SFRP1: variants seen among roughly 807,000 people sequenced by gnomAD.
SFRP1 encodes secreted frizzled-related protein 1.
Under a neutral mutation model 25.9 loss-of-function variants are expected in SFRP1, and 9 were observed. The ratio of observed to expected loss-of-function variants is 0.35; its 90% CI spans 0.21 to 0.61. SFRP1 has a LOEUF of 0.61. Ranked by LOEUF, SFRP1 falls within the 20% of genes least tolerant of loss-of-function variation. SFRP1 has a pLI of 0.78. For missense variants in SFRP1, 346 were observed against 418.2 expected (o/e 0.83, Z 1.51); for synonymous variants, 178 against 174.0 (o/e 1.02, Z -0.18).
intron 2 of SFRP1, among the ~76,000 whole-genome samples, chr8:41,297,075 C>T (rs988889335): frequency 3.9e-5 from 6 of 152,142 alleles, no homozygotes; most frequent in Non-Finnish European, 5.9e-5. Context: ...GACAGAGTTT[C>T]GCTCTATCAC....
intron 2 of SFRP1, among the ~76,000 whole-genome samples, chr8:41,292,393 G>C (rs1803789820): frequency 6.6e-6 from 1 of 152,128 alleles, no homozygotes; most frequent in South Asian, 2.1e-4. Context: ...GTTCTCACAA[G>C]AGCTGATGGT....
intron 2 of SFRP1, among the ~76,000 whole-genome samples, chr8:41,270,174 C>A (rs1803486428): frequency 6.6e-6 from 1 of 152,148 alleles, no homozygotes; most frequent in Non-Finnish European, 1.5e-5. Context: ...AAGAGAGAAG[C>A]CATATCACCA....
chr8:41,308,946 C>T lies in SFRP1; in HGVS notation c.214G>A (p.Gly72Ser). The change falls in exon 1 of 3, where the codon GGC becomes AGC. Residue 72 changes from glycine (G) to serine (S), a missense_variant. Physicochemically the swap from Gly to Ser is moderately conservative, Grantham distance 56. Coordinates refer to ENST00000220772, the MANE Select transcript of SFRP1 (RefSeq NM_003012.5). ...PADLRLCHNV[G>S]YKKMVLPNLL... ...TTGGGCAGCACCATCTTCTTGTAGC[C>T]CACGTTGTGGCACAGCCGCAGGTCC... The T allele has an allele frequency of 6.2e-7, 1 of 1,613,510 alleles. No homozygotes were observed. Among genetic ancestry groups the T allele is most frequent in the Non-Finnish European group, 8.5e-7 (1 of 1,179,944 alleles).
At position 41,308,920 on chromosome 8, in the gene SFRP1, G is replaced by A. The variant is rs1804033399; in HGVS notation, c.240C>T (p.Asn80=). 3 of 1,613,168 alleles carry A rather than the reference G, an allele frequency of 1.9e-6. No individual in the cohort carries two copies. Among genetic ancestry groups the A allele is most frequent in the East Asian group, 2.2e-5 (1 of 44,846 alleles). The part of the protein sequence containing the change: ...NVGYKKMVLP[N]LLEHETMAEV... ...CCGCCATGGTCTCGTGCTCCAGCAG[G>A]TTGGGCAGCACCATCTTCTTGTAGC... Residue 80 remains asparagine (N), a synonymous_variant, in exon 1 of 3, where the codon AAC becomes AAT. Coordinates refer to ENST00000220772, the MANE Select transcript of SFRP1 (RefSeq NM_003012.5).
intron 2 of SFRP1, among the ~76,000 whole-genome samples, chr8:41,268,943 C>G (rs1023296841): frequency 6.6e-5 from 10 of 152,236 alleles, no homozygotes; most frequent in African/African-American, 2.4e-4. Flanking sequence ...AAGGTAGCAG[C>G]TGGGGCAACA....
chr8:41,270,203 G>A (rs1044378519), intron 2 of SFRP1, among the ~76,000 whole-genome samples: 4 of 152,182 alleles, frequency 2.6e-5, no homozygotes, highest in African/African-American at 2.4e-5. Flanking sequence ...GACTGAGTGC[G>A]AAGGAGCACT....
At chr8:41,294,020 G>A (rs1264793991) in intron 2 of SFRP1, among the ~76,000 whole-genome samples, 1 of 151,638 alleles carries the variant, frequency 6.6e-6, no homozygotes, top group Non-Finnish European at 1.5e-5. Flanking sequence ...TTACAGGCAT[G>A]AGCCACCATA....
chr8:41,290,869 C>T, intron 2 of SFRP1, among the ~76,000 whole-genome samples: 1 of 122,700 alleles, frequency 8.1e-6, no homozygotes, highest in Admixed American at 9.3e-5. Flanking sequence ...TTGTCTTCTT[C>T]TCCTCCTCTT....
chr8:41,290,629 C>A (rs373505169), intron 2 of SFRP1, among the ~76,000 whole-genome samples: 46 of 152,298 alleles, frequency 3.0e-4, no homozygotes, highest in African/African-American at 1.1e-3. Context: ...CCCTGACGGC[C>A]AGGACAGCTG....
chr8:41,268,704 A>G (rs140624830), intron 2 of SFRP1, among the ~76,000 whole-genome samples: 234 of 152,342 alleles, frequency 1.5e-3, no homozygotes, highest in South Asian at 4.3e-3. Flanking sequence ...ACAATGTTGA[A>G]AAGATCATGA....
At chr8:41,283,304 T>C (rs1803658217) in intron 2 of SFRP1, among the ~76,000 whole-genome samples, 1 of 152,084 alleles carries the variant, frequency 6.6e-6, no homozygotes, top group African/African-American at 2.4e-5. Context: ...TCCCATACAA[T>C]GGGAGTAGGA....
intron 2 of SFRP1, among the ~76,000 whole-genome samples, chr8:41,300,672 G>C (rs1457710165): frequency 6.6e-6 from 1 of 152,246 alleles, no homozygotes; most frequent in African/African-American, 2.4e-5. Context: ...GTTAACAGCA[G>C]GATGATTAGT....
intron 1 of SFRP1, chr8:41,306,660 G>T: frequency 3.2e-6 from 5 of 1,561,828 alleles, no homozygotes; most frequent in East Asian, 2.3e-5. Flanking sequence ...CCCCACTCCC[G>T]ACCGGCCCTC....
rs969120114 is a variant in SFRP1 at position 41,302,791 on chromosome 8, C to T, written c.622+670G>A. Among the ~76,000 whole-genome samples, 22 of 152,144 alleles carry T rather than the reference C, an allele frequency of 1.4e-4. 1 individual carries two copies. The highest frequency in any genetic ancestry group is 5.3e-4 in the African/African-American group (22 of 41,430). ...AGGCCCCTGGCATCTCCCCCACCTC[C>T]CCCTGGCCCCCACCAGCTCCTCCTT... On this transcript the variant is annotated intron_variant, in intron 2 of 2. Coordinates refer to ENST00000220772, the MANE Select transcript of SFRP1 (RefSeq NM_003012.5).
intron 2 of SFRP1, among the ~76,000 whole-genome samples, chr8:41,266,714 C>T (rs1238493221): frequency 6.6e-6 from 1 of 152,020 alleles, no homozygotes; most frequent in Non-Finnish European, 1.5e-5. Context: ...CATGAGTCAC[C>T]ACGCCTGACC....
intron 2 of SFRP1, among the ~76,000 whole-genome samples, chr8:41,284,614 G>A (rs1298602582): frequency 6.6e-6 from 1 of 152,208 alleles, no homozygotes; most frequent in Non-Finnish European, 1.5e-5. Context: ...AGCAAATGAA[G>A]TGACCTGCAG....
At chr8:41,275,222 G>A in intron 2 of SFRP1, 2 of 449,778 alleles carry the variant, frequency 4.4e-6, no homozygotes, top group Non-Finnish European at 8.9e-6. Context: ...AGAGCTTTAT[G>A]ATTCATACAG....
intron 2 of SFRP1, among the ~76,000 whole-genome samples, chr8:41,269,062 C>T (rs1280204290): frequency 1.3e-5 from 2 of 152,176 alleles, no homozygotes; most frequent in Admixed American, 6.5e-5. Flanking sequence ...ATCTGAGGAG[C>T]CCCTGCTGGG....
In SFRP1 at chr8:41,305,681, CA is replaced by C. The variant is rs567848988; in HGVS notation, c.545-2144del. 1.1e-3 allele frequency among the ~76,000 whole-genome samples: 165 copies of C among 152,068 alleles called. 1 individual carries two copies. The highest frequency in any genetic ancestry group is 3.7e-3 in the African/African-American group (154 of 41,486). On this transcript the variant is annotated intron_variant, in intron 1 of 2. Coordinates refer to ENST00000220772, the MANE Select transcript of SFRP1 (RefSeq NM_003012.5). The stretch of plus-strand genomic sequence containing the variant: ...TAAAATAATGTTTAAAGCAAATGAA[CA>C]AAAAAAGCAAAGGTTTTGTGTTTAT...
Sources: gnomAD v4.1 joint callset for allele counts (sites outside exome capture counted in the v4.1 genomes callset) on GRCh38, gnomAD v4.1.1 for gene constraint, MANE v1.5 for transcripts, NCBI Gene and HGNC (gene_info 2026-07-23, HGNC 2026-07-21) for gene names.